FAM171B: variants seen among roughly 807,000 people sequenced by gnomAD.
FAM171B encodes family with sequence similarity 171 member B, also known as protein FAM171B.
In FAM171B, 19 loss-of-function variants were observed where a neutral mutation model predicts 75.6. The observed-to-expected ratio is 0.25, with a 90% CI of 0.18 to 0.37. The LOEUF (loss-of-function observed/expected upper bound fraction) is 0.37. Ranked by LOEUF, FAM171B falls within the 10% of genes least tolerant of loss-of-function variation. The probability of loss-of-function intolerance (pLI) is 1.00; values close to 1 mark genes in which losing one functional copy is unlikely to be tolerated. For missense variants in FAM171B, 848 were observed against 982.4 expected (o/e 0.86, Z 1.83); for synonymous variants, 367 against 361.7 (o/e 1.01, Z -0.17).
At chr2:186,699,091 C>T (rs902963283) in intron 1 of FAM171B, among the ~76,000 whole-genome samples, 2 of 152,096 alleles carry the variant, frequency 1.3e-5, no homozygotes, top group Admixed American at 1.3e-4. Flanking sequence ...ATAAACATGG[C>T]AGTACAGATA....
chr2:186,733,702 A>T (rs1690156690), intron 1 of FAM171B, among the ~76,000 whole-genome samples: 1 of 152,168 alleles, frequency 6.6e-6, no homozygotes, highest in Non-Finnish European at 1.5e-5. Flanking sequence ...ACACAGCCAG[A>T]CATACCAACT....
chr2:186,711,786 A>G (rs1046640521), intron 1 of FAM171B, among the ~76,000 whole-genome samples: 2 of 152,080 alleles, frequency 1.3e-5, no homozygotes, highest in Middle Eastern at 3.2e-3. Context: ...CTTTTTTCTC[A>G]TTGACACTGC....
Position 186,761,649 on chromosome 2 carries a change from G to C in FAM171B, c.1307G>C (p.Ser436Thr). Reference protein sequence around the residue: ...QLFNAKNSSYSPQKKEPSKAE... With the variant: ...QLFNAKNSSYTPQKKEPSKAE... ...TTCAATGCCAAAAACTCCTCATATA[G>C]TCCTCAGAAAAAGGAACCATCAAAG... Residue 436 changes from serine (S) to threonine (T), a missense_variant, in exon 8 of 8, where the codon AGT (serine) becomes ACT (threonine). Coordinates refer to ENST00000304698, the MANE Select transcript of FAM171B (RefSeq NM_177454.4). 1 of 1,612,356 alleles carries C rather than the reference G, an allele frequency of 6.2e-7. No individual in the cohort carries two copies.
At chr2:186,735,275 G>A (rs1690182889) in intron 1 of FAM171B, among the ~76,000 whole-genome samples, 1 of 152,168 alleles carries the variant, frequency 6.6e-6, no homozygotes, top group African/African-American at 2.4e-5. Flanking sequence ...GGTTGGGTTG[G>A]AGATGAAATC....
intron 1 of FAM171B, among the ~76,000 whole-genome samples, chr2:186,702,423 G>A (rs548498876): frequency 3.6e-4 from 55 of 152,286 alleles, no homozygotes; most frequent in South Asian, 1.2e-3. Context: ...CTGTGTGAGC[G>A]TAAGAAAACA....
rs1240237361 is a variant in FAM171B, at chr2:186,765,441, C to A, written c.*2618C>A. The A allele has an allele frequency of 1.3e-5, 2 of 151,968 alleles. No individual in the cohort carries two copies. Among genetic ancestry groups the A allele is most frequent in the Non-Finnish European group, 2.9e-5 (2 of 67,936 alleles). 9.4% of individuals were successfully genotyped at this position (151,968 alleles called of 1,614,324 possible). The stretch of plus-strand genomic sequence containing the variant: ...AGACTTTATAAATCAATTTTTATGA[C>A]TTTATGCAGTTGTATAGGGATTATG... On this transcript the variant is annotated 3_prime_UTR_variant, in exon 8 of 8. Transcript: ENST00000304698.
chr2:186,735,811 A>G (rs1381725877), intron 1 of FAM171B, among the ~76,000 whole-genome samples: 1 of 152,242 alleles, frequency 6.6e-6, no homozygotes, highest in African/African-American at 2.4e-5. Flanking sequence ...TTATAACAAA[A>G]TACTATTAAT....
intron 1 of FAM171B, among the ~76,000 whole-genome samples, chr2:186,698,122 A>G (rs1162036817): frequency 6.6e-6 from 1 of 152,140 alleles, no homozygotes; most frequent in Non-Finnish European, 1.5e-5. Flanking sequence ...AGTTGGGACA[A>G]CCATATTATA....
intron 1 of FAM171B, among the ~76,000 whole-genome samples, chr2:186,720,087 G>A (rs1260115277): frequency 1.3e-5 from 2 of 152,208 alleles, no homozygotes; most frequent in African/African-American, 4.8e-5. Flanking sequence ...GCCCAGGCTG[G>A]AATGCAATGG....
chr2:186,721,952 C>T (rs932949271), intron 1 of FAM171B, among the ~76,000 whole-genome samples: 5 of 151,454 alleles, frequency 3.3e-5, no homozygotes, highest in African/African-American at 4.9e-5. Flanking sequence ...ACTTTGCCAA[C>T]GTTGGAATAA....
rs553710771 is a variant in FAM171B at position 186,739,906 on chromosome 2, G to A, written c.239-322G>A. Among the ~76,000 whole-genome samples, 287 of 152,290 alleles carry A rather than the reference G, an allele frequency of 1.9e-3. 2 individuals carry two copies. Among genetic ancestry groups the A allele is most frequent in the African/African-American group, 6.5e-3 (269 of 41,560 alleles). On this transcript the variant is annotated intron_variant, in intron 1 of 7. Coordinates refer to ENST00000304698, the MANE Select transcript of FAM171B (RefSeq NM_177454.4). ...CACCAGTATTACCATTAACACGTGA[G>A]TAACACATTGCACTGCAACACTATG...
intron 4 of FAM171B, 39 bp from the exon 5 acceptor site, chr2:186,751,095 T>C (rs1265213467): frequency 1.3e-6 from 2 of 1,481,534 alleles, no homozygotes; most frequent in African/African-American, 1.4e-5. Context: ...CTACCACCTC[T>C]GTTTACATAT....
At chr2:186,734,316 G>A (rs575037574) in intron 1 of FAM171B, among the ~76,000 whole-genome samples, 3 of 152,112 alleles carry the variant, frequency 2.0e-5, no homozygotes, top group South Asian at 2.1e-4. Flanking sequence ...GACCCAGAGC[G>A]GGTAGGTAGC....
intron 1 of FAM171B, among the ~76,000 whole-genome samples, chr2:186,737,018 G>A (rs895093208): frequency 3.3e-5 from 5 of 152,170 alleles, no homozygotes; most frequent in African/African-American, 9.7e-5. Flanking sequence ...TGATACACAA[G>A]CTCTGTACTG....
chr2:186,742,691 G>C (rs1397467573), intron 2 of FAM171B, among the ~76,000 whole-genome samples: 1 of 152,122 alleles, frequency 6.6e-6, no homozygotes, highest in Non-Finnish European at 1.5e-5. Flanking sequence ...ACGAGAACTC[G>C]TGCTTTGGGA....
intron 2 of FAM171B, among the ~76,000 whole-genome samples, chr2:186,742,240 A>G (rs563264278): frequency 6.6e-6 from 1 of 152,178 alleles, no homozygotes; most frequent in East Asian, 1.9e-4. Context: ...ATAGGAAACA[A>G]TTTTCACGTG....
At chr2:186,727,158 T>C (rs1690046285) in intron 1 of FAM171B, among the ~76,000 whole-genome samples, 1 of 151,988 alleles carries the variant, frequency 6.6e-6, no homozygotes, top group Non-Finnish European at 1.5e-5. Flanking sequence ...TTGGAAATAA[T>C]AGGGGCTGTC....
At chr2:186,738,414 T>A (rs1254491184) in intron 1 of FAM171B, among the ~76,000 whole-genome samples, 1 of 151,984 alleles carries the variant, frequency 6.6e-6, no homozygotes. Context: ...AGGGTAGCCA[T>A]CTGTGAGGCT....
chr2:186,719,063 C>T (rs576744508), intron 1 of FAM171B, among the ~76,000 whole-genome samples: 42 of 152,228 alleles, frequency 2.8e-4, no homozygotes, highest in African/African-American at 5.1e-4. Flanking sequence ...TTGTATTTAC[C>T]GGTCAGTATT....
Sources: allele counts gnomAD v4.1 joint callset (sites outside exome capture counted in the v4.1 genomes callset), GRCh38; gene constraint gnomAD v4.1.1; transcripts MANE v1.5; gene names NCBI Gene and HGNC (gene_info 2026-07-23, HGNC 2026-07-21).